The following OXR1 variants were observed in gnomAD, a reference collection of about 807,000 sequenced individuals.
The protein encoded by OXR1 is oxidation resistance protein 1.
OXR1 carries 41 observed loss-of-function variants against 104.6 expected under a neutral mutation model. The observed-to-expected ratio is 0.39, with a 90% CI of 0.31 to 0.51. The LOEUF (loss-of-function observed/expected upper bound fraction) is 0.51. OXR1 is among the 20% of genes least tolerant of loss of function. OXR1 has a pLI of 0.77. For synonymous variants in OXR1, 348 were observed against 348.4 expected, an observed-to-expected ratio of 1.00 and a Z score of 0.01; for missense variants, 955 against 1,031.9, an observed-to-expected ratio of 0.93 and a Z score of 1.02.
chr8:106,717,075 G>A (rs542983085), intron 11 of OXR1, among the ~76,000 whole-genome samples: 1 of 152,058 alleles, frequency 6.6e-6, no homozygotes, highest in African/African-American at 2.4e-5. Flanking sequence ...AGTCCCAGTT[G>A]CTCGGGAGGC....
At chr8:106,589,256 A>C (rs1228095870) in intron 3 of OXR1, among the ~76,000 whole-genome samples, 1 of 151,422 alleles carries the variant, frequency 6.6e-6, no homozygotes, top group Admixed American at 6.6e-5. Flanking sequence ...GGTGGGAGAG[A>C]GTTCCATCGC....
At chr8:106,629,949 A>G (rs958054263) in intron 3 of OXR1, among the ~76,000 whole-genome samples, 11 of 152,334 alleles carry the variant, frequency 7.2e-5, no homozygotes, top group Admixed American at 7.2e-4. Context: ...TAAATACAGT[A>G]TATCTATAAA....
chr8:106,499,089 G>A lies in OXR1; in HGVS notation c.24-19854G>A, dbSNP rs1184484061. Among the ~76,000 whole-genome samples, 4 of 23,738 alleles carry A rather than the reference G, an allele frequency of 1.7e-4. 1 individual carries two copies. Among genetic ancestry groups the A allele is most frequent in the Admixed American group, 1.3e-3 (3 of 2,246 alleles). The allele number at this position is 23,738 out of a possible 152,430, so 15.6% of individuals were successfully genotyped here. A position where few individuals can be genotyped will look rare whatever the true frequency, so the allele number is the denominator to read the frequency against. On this transcript the variant is annotated intron_variant, in intron 2 of 16. Transcript: ENST00000517566. ...AGGCAGGAGAATGGCGTGAACCCGG[G>A]AAGCGGAGCTTGCAGTGAGCCGAGA...
At chr8:106,382,435 G>A (rs938446847) in intron 2 of OXR1, among the ~76,000 whole-genome samples, 1 of 152,136 alleles carries the variant, frequency 6.6e-6, no homozygotes, top group Non-Finnish European at 1.5e-5. Context: ...AGAAATCGTG[G>A]TGTTTCCTTC....
chr8:106,489,210 A>C lies in OXR1; in HGVS notation c.24-29733A>C, dbSNP rs533449173. Reference sequence around the variant, plus strand: ...AATTGTGAATGGGAGTTCACTCATGATTTGGCTCTCTGTTTGTCTGTTGTT... The same window carrying C: ...AATTGTGAATGGGAGTTCACTCATGCTTTGGCTCTCTGTTTGTCTGTTGTT... On this transcript the variant is annotated intron_variant, in intron 2 of 16. Transcript: ENST00000517566. Among the ~76,000 whole-genome samples the C allele has an allele frequency of 2.3e-4, 34 of 151,064 alleles. 1 individual carries two copies. In the South Asian group the frequency reaches 6.1e-3, roughly 27 times the overall value.
At chr8:106,347,713 ATGAT>A (rs904439511) in intron 1 of OXR1, among the ~76,000 whole-genome samples, 1 of 152,196 alleles carries the variant, frequency 6.6e-6, no homozygotes, top group Non-Finnish European at 1.5e-5. Flanking sequence ...ATACCTATAA[ATGAT>A]TAATTATATT....
chr8:106,692,991 T>C, intron 7 of OXR1, 114 bp downstream of exon 7: 1 of 706,820 alleles, frequency 1.4e-6, no homozygotes, highest in Non-Finnish European at 2.2e-6. Context: ...TTGAATATTA[T>C]AGAAAGGTAC....
rs551080309 is a variant in OXR1 at position 106,689,949 on chromosome 8, C to T, written c.526-2779C>T. Among the ~76,000 whole-genome samples, 172 of 151,756 alleles carry T rather than the reference C, an allele frequency of 1.1e-3. 3 individuals carry two copies. The South Asian group carries it at 0.034, about 30-fold the overall frequency. ...GCCTGTGCTTCAGGAATTGCTTTCA[C>T]ATATGACATCCTTTAACAATTCACA... On this transcript the variant is annotated intron_variant, in intron 6 of 16. Transcript: ENST00000517566.
At chr8:106,624,009 T>TAC (rs148495002) in intron 3 of OXR1, among the ~76,000 whole-genome samples, 2,632 of 152,270 alleles carry the variant, frequency 0.017, 55 homozygotes, top group African/African-American at 0.06. Context: ...ACAGCACACA[T>TAC]ACACACACAC....
chr8:106,460,268 A>C (rs1198216335), intron 2 of OXR1, among the ~76,000 whole-genome samples: 1 of 152,184 alleles, frequency 6.6e-6, no homozygotes, highest in Non-Finnish European at 1.5e-5. Context: ...CTTACATTAC[A>C]CCATCGGAGT....
At chr8:106,376,269 A>G (rs34314804) in intron 2 of OXR1, among the ~76,000 whole-genome samples, 1,915 of 150,874 alleles carry the variant, frequency 0.013, 19 homozygotes, top group Non-Finnish European at 0.021. Context: ...TTTAACATCA[A>G]CCCTTTGGAG....
At chr8:106,735,693 AT>A (rs1164134874) in intron 11 of OXR1, among the ~76,000 whole-genome samples, 1 of 152,118 alleles carries the variant, frequency 6.6e-6, no homozygotes, top group Non-Finnish European at 1.5e-5. Context: ...GCCATTAAAT[AT>A]TTCTAGAGAC....
At chr8:106,491,324 T>C (rs138151064) in intron 2 of OXR1, among the ~76,000 whole-genome samples, 17 of 152,368 alleles carry the variant, frequency 1.1e-4, no homozygotes, top group African/African-American at 4.1e-4. Flanking sequence ...TTAACACACC[T>C]GTAATTAATA....
intron 2 of OXR1, among the ~76,000 whole-genome samples, chr8:106,445,162 C>T (rs1203373102): frequency 6.6e-6 from 1 of 152,160 alleles, no homozygotes; most frequent in Admixed American, 6.5e-5. Context: ...CCTTGGAGTA[C>T]AGTGAAGTAG....
chr8:106,387,386 C>T (rs1048905346), intron 2 of OXR1, among the ~76,000 whole-genome samples: 2 of 152,192 alleles, frequency 1.3e-5, no homozygotes, highest in Non-Finnish European at 2.9e-5. Context: ...CAGAAACTCT[C>T]TCTCTCTCCA....
chr8:106,551,021 A>G (rs773716010), intron 3 of OXR1, among the ~76,000 whole-genome samples: 2 of 152,206 alleles, frequency 1.3e-5, no homozygotes, highest in African/African-American at 2.4e-5. Context: ...TTTAAATGCT[A>G]CCTGTCCTCT....
At chr8:106,312,984 C>T (rs1488880939) in intron 1 of OXR1, among the ~76,000 whole-genome samples, 7 of 152,080 alleles carry the variant, frequency 4.6e-5, no homozygotes, top group Admixed American at 3.9e-4. Flanking sequence ...TTTGGAAGGA[C>T]TTTCTTATTA....
intron 7 of OXR1, among the ~76,000 whole-genome samples, chr8:106,693,478 G>T (rs1199382526): frequency 7.5e-6 from 1 of 133,344 alleles, no homozygotes; most frequent in Non-Finnish European, 1.5e-5. Context: ...CAGCCAGGCT[G>T]GAGTGCAATG....
At chr8:106,608,326 C>T (rs1199921303) in intron 3 of OXR1, among the ~76,000 whole-genome samples, 3 of 151,572 alleles carry the variant, frequency 2.0e-5, no homozygotes, top group South Asian at 2.1e-4. Context: ...CAAACAAAAA[C>T]GATGAAAAAA....
Sources: gnomAD v4.1 joint callset for allele counts (sites outside exome capture counted in the v4.1 genomes callset) on GRCh38, gnomAD v4.1.1 for gene constraint, MANE v1.5 for transcripts, NCBI Gene and HGNC (gene_info 2026-07-23, HGNC 2026-07-21) for gene names.